Variants in ITPKB observed in about 807,000 individuals in gnomAD.
ITPKB encodes the protein IP3 3-kinase B.
A neutral mutation model predicts 69.4 loss-of-function variants in ITPKB; 13 were observed. The ratio of observed to expected loss-of-function variants is 0.19; its 90% CI spans 0.12 to 0.30. The LOEUF is 0.30. ITPKB is among the 10% of genes least tolerant of loss of function. The pLI is 1.00. For missense variants in ITPKB, 1,240 were observed against 1,250.5 expected (o/e 0.99, Z 0.13); for synonymous variants, 584 against 513.7 (o/e 1.14, Z -1.85).
At chr1:226,649,667 A>C (rs1056631495) in intron 2 of ITPKB, among the ~76,000 whole-genome samples, 1 of 147,302 alleles carries the variant, frequency 6.8e-6, no homozygotes, top group Non-Finnish European at 1.5e-5. Flanking sequence ...TGAGCATCTT[A>C]TTTTATTTTC....
rs929284716 is a variant in ITPKB, at chr1:226,637,375, C to T, written c.2625+304G>A. On this transcript the variant is annotated intron_variant, in intron 7 of 7. Coordinates refer to ENST00000429204, the MANE Select transcript of ITPKB (RefSeq NM_002221.4). This position sits in a 1 kb window ranked among gnomAD's most constrained non-coding sequence, Gnocchi z 4.3. ...AGCTCAGAGAGCTTCTGCCCTGAGA[C>T]CACGGGTGTGTGGGATATGAGTCCT... is the stretch of plus-strand genomic sequence containing the variant. 6.6e-6 allele frequency among the ~76,000 whole-genome samples: 1 copy of T among 152,238 alleles called. No homozygotes were observed. Among genetic ancestry groups the T allele is most frequent in the Non-Finnish European group, 1.5e-5 (1 of 68,038 alleles).
At chr1:226,696,590 AGCT>A (rs1656493219) in intron 2 of ITPKB, among the ~76,000 whole-genome samples, 1 of 152,198 alleles carries the variant, frequency 6.6e-6, no homozygotes, top group African/African-American at 2.4e-5. Context: ...GAGCATTACT[AGCT>A]GCTGCTATTT....
chr1:226,690,775 A>G (rs1002334821), intron 2 of ITPKB, among the ~76,000 whole-genome samples: 3 of 152,238 alleles, frequency 2.0e-5, no homozygotes, highest in Admixed American at 2.0e-4. Flanking sequence ...CAACACGTCA[A>G]AACTAGTTTC....
At position 226,637,796 on chromosome 1, in the gene ITPKB, G is replaced by C. The variant is rs2102738016; in HGVS notation, c.2554-46C>G. 1 of 1,460,748 alleles carries C rather than the reference G, an allele frequency of 6.8e-7. No homozygotes were observed. Among genetic ancestry groups the C allele is most frequent in the African/African-American group, 1.4e-5 (1 of 71,978 alleles). 90.5% of individuals were successfully genotyped at this position (1,460,748 alleles called of 1,614,324 possible). Reference sequence around the variant, plus strand: ...AGATTTTTAAGCGCCGCGTGGGGAAGGGCAGTGTCAGAACACCCATGCGGC... The same window carrying C: ...AGATTTTTAAGCGCCGCGTGGGGAACGGCAGTGTCAGAACACCCATGCGGC... On this transcript the variant is annotated intron_variant, in intron 6 of 7. Transcript: ENST00000429204. The surrounding 1 kb of genome is among the most constrained non-coding windows in gnomAD (Gnocchi z 4.3).
intron 2 of ITPKB, among the ~76,000 whole-genome samples, chr1:226,650,158 G>A (rs931487187): frequency 2.0e-5 from 3 of 152,240 alleles, no homozygotes; most frequent in Admixed American, 1.3e-4. Flanking sequence ...GTCAGCGGCG[G>A]CTGCTGGGTC....
chr1:226,694,335 C>A (rs547121539), intron 2 of ITPKB, among the ~76,000 whole-genome samples: 58 of 152,338 alleles, frequency 3.8e-4, no homozygotes, highest in African/African-American at 1.3e-3. Context: ...CTACTGATAA[C>A]AGACCCTTAA....
At chr1:226,666,672 C>A (rs1003198555) in intron 2 of ITPKB, among the ~76,000 whole-genome samples, 18 of 152,186 alleles carry the variant, frequency 1.2e-4, no homozygotes, top group African/African-American at 4.3e-4. Flanking sequence ...GCTAGCACCC[C>A]TTGCTCTTCC....
intron 2 of ITPKB, among the ~76,000 whole-genome samples, chr1:226,701,765 C>T (rs959864752): frequency 2.0e-5 from 3 of 152,090 alleles, no homozygotes; most frequent in Non-Finnish European, 2.9e-5. Context: ...CTGCTGGCTG[C>T]GCCTGAAATG....
intron 2 of ITPKB, among the ~76,000 whole-genome samples, chr1:226,687,183 T>A (rs1468701877): frequency 1.3e-5 from 2 of 152,156 alleles, no homozygotes; most frequent in African/African-American, 4.8e-5. Flanking sequence ...CAAAATAAGA[T>A]CAGAGTGGAA....
At position 226,737,243 on chromosome 1, in the gene ITPKB, G is replaced by T; in HGVS notation, c.216C>A (p.Pro72=). The change falls in exon 2 of 8, where the codon CCC becomes CCA. Residue 72 remains proline (P), a synonymous_variant. Coordinates refer to ENST00000429204, the MANE Select transcript of ITPKB (RefSeq NM_002221.4). The part of the protein sequence containing the change: ...ESLSPEEPRS[P]GGWRSGRRRL... ...TGCGCCGGCCGCTCCGCCAGCCCCC[G>T]GGGCTCCGGGGCTCCTCGGGGGACA... 1 of 1,554,410 alleles carries T rather than the reference G, an allele frequency of 6.4e-7. No individual in the cohort carries two copies.
At chr1:226,656,130 C>A (rs1466226957) in intron 2 of ITPKB, among the ~76,000 whole-genome samples, 1 of 152,220 alleles carries the variant, frequency 6.6e-6, no homozygotes, top group Non-Finnish European at 1.5e-5. Flanking sequence ...ACCCTCTTCC[C>A]AGGAAGCCTT....
intron 2 of ITPKB, among the ~76,000 whole-genome samples, chr1:226,733,862 C>T (rs1043078161): frequency 1.2e-4 from 19 of 152,174 alleles, no homozygotes; most frequent in African/African-American, 3.1e-4. Context: ...AGACAAGAGC[C>T]GTTTTCAAAC....
chr1:226,737,204 G>C lies in ITPKB; in HGVS notation c.255C>G (p.Ser85Arg), dbSNP rs1418352175. The C allele has an allele frequency of 3.2e-6, 5 of 1,584,424 alleles. No homozygotes were observed. In the African/African-American group the frequency reaches 6.7e-5, roughly 21 times the overall value. Residue 85 changes from serine (S) to arginine (R), a missense_variant, in exon 2 of 8, where the codon AGC becomes AGG. Transcript: ENST00000429204. ...CGCTGCTGCCGCTGCCACTGCCGCT[G>C]CTACTATTCAGCCTGCGCCGGCCGC... is the stretch of plus-strand genomic sequence containing the variant. ...WRSGRRRLNS[S>R]SGSGSGSSGS... is the part of the protein sequence containing the mutation.
Position 226,658,623 on chromosome 1 carries a change from C to G in ITPKB, c.1933-9852G>C, listed in dbSNP as rs115121818. 8.5e-3 allele frequency among the ~76,000 whole-genome samples: 1,298 copies of G among 152,262 alleles called. 19 individuals are homozygous for G. The highest frequency in any genetic ancestry group is 0.03 in the African/African-American group (1,239 of 41,520). ...TGCAAAAGCACTTTCAGAAAAGACCCGAGTAAGGCTTTATTTCATCCCCCG... is the reference window on the plus strand; with the variant it reads ...TGCAAAAGCACTTTCAGAAAAGACCGGAGTAAGGCTTTATTTCATCCCCCG... On this transcript the variant is annotated intron_variant, in intron 2 of 7. Coordinates refer to ENST00000429204, the MANE Select transcript of ITPKB (RefSeq NM_002221.4).
At position 226,632,288 on chromosome 1, in the gene ITPKB, C is replaced by T. The variant is rs1346588331; in HGVS notation, c.*2383G>A. The T allele has an allele frequency of 6.6e-6, 1 of 152,298 alleles. No homozygotes were observed. The highest frequency in any genetic ancestry group is 2.4e-5 in the African/African-American group (1 of 41,438). The allele number at this position is 152,298 out of a possible 1,614,324, so 9.4% of individuals were successfully genotyped here. On this transcript the variant is annotated 3_prime_UTR_variant, in exon 8 of 8. Coordinates refer to ENST00000429204, the MANE Select transcript of ITPKB (RefSeq NM_002221.4). ...CACAGGTACACAGAGTTTGTCCTGCCTGCTGGCACATGCACTGCCAGGACC... is the reference window on the plus strand; with the variant it reads ...CACAGGTACACAGAGTTTGTCCTGCTTGCTGGCACATGCACTGCCAGGACC...
In ITPKB at chr1:226,655,930, C is replaced by T. The variant is rs185457050; in HGVS notation, c.1933-7159G>A. 3.1e-3 allele frequency among the ~76,000 whole-genome samples: 477 copies of T among 152,344 alleles called. 2 individuals are homozygous for T. The highest frequency in any genetic ancestry group is 4.8e-3 in the Non-Finnish European group (328 of 68,036). ...CATCCACACATGGCACCATCTGCAG[C>T]GCACCCGGGCTCATATTCTCTCAGG... On this transcript the variant is annotated intron_variant, in intron 2 of 7. Coordinates refer to ENST00000429204, the MANE Select transcript of ITPKB (RefSeq NM_002221.4).
intron 2 of ITPKB, among the ~76,000 whole-genome samples, chr1:226,722,237 C>T (rs1270520868): frequency 1.3e-5 from 2 of 152,220 alleles, no homozygotes; most frequent in East Asian, 1.9e-4. Context: ...ACTCGCCCTT[C>T]AAGCACAACA....
intron 2 of ITPKB, among the ~76,000 whole-genome samples, chr1:226,681,769 A>G (rs2102774390): frequency 6.6e-6 from 1 of 152,294 alleles, no homozygotes. Flanking sequence ...CTAGCTGGCC[A>G]TGTTTTTGGC....
chr1:226,696,066 C>A (rs1656477551), intron 2 of ITPKB, among the ~76,000 whole-genome samples: 1 of 152,176 alleles, frequency 6.6e-6, no homozygotes, highest in African/African-American at 2.4e-5. Context: ...CCCGGGGCAC[C>A]CAGCTTGGCC....
Sources: allele counts gnomAD v4.1 joint callset (sites outside exome capture counted in the v4.1 genomes callset), GRCh38; gene constraint gnomAD v4.1.1; non-coding constraint Gnocchi (gnomAD v3.1); transcripts MANE v1.5; gene names NCBI Gene and HGNC (gene_info 2026-07-23, HGNC 2026-07-21).